KMT2C: variants seen among roughly 807,000 people sequenced by gnomAD.
KMT2C encodes the protein histone-lysine N-methyltransferase 2C.
KMT2C carries 88 observed loss-of-function variants against 507.9 expected under a neutral mutation model. The ratio of observed to expected loss-of-function variants is 0.17; its 90% CI spans 0.15 to 0.21. KMT2C has a LOEUF of 0.21. Ranked by LOEUF, KMT2C falls within the 10% of genes least tolerant of loss-of-function variation. KMT2C has a pLI of 1.00. For missense variants in KMT2C, 4,954 were observed against 5,957.8 expected (o/e 0.83, Z 5.55); for synonymous variants, 2,049 against 2,080.8 (o/e 0.98, Z 0.42).
chr7:152,164,106 T>C (rs2092604143), intron 42 of KMT2C, among the ~76,000 whole-genome samples: 1 of 152,184 alleles, frequency 6.6e-6, no homozygotes, highest in African/African-American at 2.4e-5. Context: ...ATTAAAATCT[T>C]ATGGTGAAAC....
chr7:152,308,673 C>CAAAAAAAAAAAAAAAAAAAAAAAAAAAAA (rs938826373), intron 6 of KMT2C, among the ~76,000 whole-genome samples: 1 of 24,558 alleles, frequency 4.1e-5, no homozygotes, highest in African/African-American at 1.5e-4. Flanking sequence ...AAACTCCTCT[C>CAAAAAAAAAAAAAAAAAAAAAAAAAAAAA]AAAAAAAAAA....
chr7:152,316,548 T>G (rs2096724671), intron 3 of KMT2C, among the ~76,000 whole-genome samples: 1 of 152,152 alleles, frequency 6.6e-6, no homozygotes, highest in African/African-American at 2.4e-5. Flanking sequence ...CACAAGATAT[T>G]TACTGCTGCT....
chr7:152,224,917 A>G (rs2094882140), intron 18 of KMT2C, among the ~76,000 whole-genome samples: 1 of 152,076 alleles, frequency 6.6e-6, no homozygotes, highest in South Asian at 2.1e-4. Flanking sequence ...ACCAGATTTT[A>G]AAGAAATCAA....
At chr7:152,381,827 G>A (rs2097376762) in intron 1 of KMT2C, among the ~76,000 whole-genome samples, 1 of 152,172 alleles carries the variant, frequency 6.6e-6, no homozygotes, top group African/African-American at 2.4e-5. Context: ...CCTTATAGCA[G>A]TTAATTACCA....
At chr7:152,252,127 C>A (rs370532389) in intron 10 of KMT2C, 37 bp from the exon 11 acceptor site, 3 of 1,482,518 alleles carry the variant, frequency 2.0e-6, no homozygotes, top group Non-Finnish European at 1.8e-6. Flanking sequence ...AAATTTCTAA[C>A]ATCGAGTTAT....
At chr7:152,259,446 GCACA>G (rs372982101) in intron 9 of KMT2C, among the ~76,000 whole-genome samples, 16,147 of 134,580 alleles carry the variant, frequency 0.12, 915 homozygotes, top group Middle Eastern at 0.17. Flanking sequence ...ACACACACGC[GCACA>G]CACACACACA....
At chr7:152,229,706 A>C (rs190462819) in intron 18 of KMT2C, among the ~76,000 whole-genome samples, 40 of 152,298 alleles carry the variant, frequency 2.6e-4, no homozygotes, top group African/African-American at 8.9e-4. Context: ...TTTATGTTTT[A>C]CTTTTTCAAG....
intron 2 of KMT2C, among the ~76,000 whole-genome samples, chr7:152,341,191 G>C (rs1433657773): frequency 6.6e-6 from 1 of 152,122 alleles, no homozygotes; most frequent in African/African-American, 2.4e-5. Context: ...CACCTGAATA[G>C]CAATAAATGA....
chr7:152,367,449 C>T, intron 1 of KMT2C: 1 of 743,404 alleles, frequency 1.3e-6, no homozygotes, highest in Non-Finnish European at 2.3e-6. Context: ...AACTCCTGAG[C>T]TCAAACAATC....
At chr7:152,426,075 T>C (rs1159829006) in intron 1 of KMT2C, among the ~76,000 whole-genome samples, 1 of 152,096 alleles carries the variant, frequency 6.6e-6, no homozygotes, top group East Asian at 1.9e-4. Flanking sequence ...GTTTTTCGTG[T>C]ATTGCTCATA....
At chr7:152,429,021 T>C (rs2097845732) in intron 1 of KMT2C, among the ~76,000 whole-genome samples, 1 of 152,104 alleles carries the variant, frequency 6.6e-6, no homozygotes, top group African/African-American at 2.4e-5. Flanking sequence ...ACCCCACCTT[T>C]TACACCTCCT....
chr7:152,270,303 G>C (rs1261980417), intron 7 of KMT2C, among the ~76,000 whole-genome samples: 5 of 152,148 alleles, frequency 3.3e-5, no homozygotes, highest in African/African-American at 1.2e-4. Context: ...GAAATACAAA[G>C]ATAACCAAAG....
chr7:152,329,646 A>AGGAGGGAGAAG (rs1202194143), intron 3 of KMT2C, among the ~76,000 whole-genome samples: 3 of 139,882 alleles, frequency 2.1e-5, no homozygotes, highest in African/African-American at 7.8e-5. Flanking sequence ...GAAGGGAGGA[A>AGGAGGGAGAAG]GGAGGGAGAA....
rs913577705 is a variant in KMT2C at position 152,149,918 on chromosome 7, GA to G, written c.12775-767del. Among the ~76,000 whole-genome samples, 7 of 149,158 alleles carry G rather than the reference GA, an allele frequency of 4.7e-5. No homozygotes were observed. The South Asian group carries it at 8.5e-4, about 18-fold the overall frequency. ...TGCACACCAACTTAAACTATCTGGT[GA>G]AAAAAAAAATCCTTCTTGCATTTAG... On this transcript the variant is annotated intron_variant, in intron 51 of 58. Coordinates refer to ENST00000262189, the MANE Select transcript of KMT2C (RefSeq NM_170606.3).
rs747850540 is a variant in KMT2C at position 152,148,177 on chromosome 7, G to A, written c.13750C>T (p.Arg4584Trp). The A allele has an allele frequency of 6.2e-7, 1 of 1,614,180 alleles. No homozygotes were observed. Among genetic ancestry groups the A allele is most frequent in the Non-Finnish European group, 8.5e-7 (1 of 1,179,998 alleles). ...ALFPVGYEAS[R>W]LYWSTRYANR... is the part of the protein sequence containing the mutation. ...GCATAGCGAGTGCTCCAGTACAGCCGGCTGGCTTCATAGCCCACAGGGAAG... is the reference window on the plus strand; with the variant it reads ...GCATAGCGAGTGCTCCAGTACAGCCAGCTGGCTTCATAGCCCACAGGGAAG... Residue 4584 changes from arginine to tryptophan, a missense_variant, in exon 52 of 59, where the codon CGG becomes TGG. By Grantham distance (101) the Arg-to-Trp change is moderately radical (BLOSUM62 -3). Around this residue, in one of 29 missense-constraint regions of KMT2C, gnomAD observed 221 missense variants for 304.7 expected, o/e 0.73. Transcript: ENST00000262189. The surrounding 1 kb of genome is among the most constrained non-coding windows in gnomAD (Gnocchi z 7.1).
At chr7:152,431,539 G>T (rs1407530414) in intron 1 of KMT2C, among the ~76,000 whole-genome samples, 1 of 151,230 alleles carries the variant, frequency 6.6e-6, no homozygotes, top group Non-Finnish European at 1.5e-5. Context: ...CTGGGAGGCG[G>T]AAGTTGCAGC....
chr7:152,152,575 TAA>T lies in KMT2C; in HGVS notation c.12526+128_12526+129del, dbSNP rs2091720258. The T allele has an allele frequency of 4.5e-6, 5 of 1,103,418 alleles. No individual in the cohort carries two copies. In the African/African-American group the frequency reaches 7.8e-5, roughly 17 times the overall value. The allele number at this position is 1,103,418 out of a possible 1,614,324, so 68.4% of individuals were successfully genotyped here. A position where few individuals can be genotyped will look rare whatever the true frequency, so the allele number is the denominator to read the frequency against. On this transcript the variant is annotated intron_variant, in intron 49 of 58. Coordinates refer to ENST00000262189, the MANE Select transcript of KMT2C (RefSeq NM_170606.3). ...CAGAAAACAGAACACCCACACATGG[TAA>T]GTTCACCAAGGACTATACGCCAGCA...
Position 152,148,342 on chromosome 7 carries a change from G to A in KMT2C, c.13585C>T (p.Arg4529Cys), listed in dbSNP as rs2091340833. Residue 4529 changes from arginine to cysteine, a missense_variant, in exon 52 of 59, where the codon CGT (arginine) becomes TGT (cysteine). By Grantham distance (180) the Arg-to-Cys change is radical. Coordinates refer to ENST00000262189, the MANE Select transcript of KMT2C (RefSeq NM_170606.3). The surrounding 1 kb of genome is among the most constrained non-coding windows in gnomAD (Gnocchi z 7.1). ...FAVFRRVYVQ[R>C]DEVRQIASIV... is the part of the protein sequence containing the mutation. ...CTAGCAATCTGTCGCACCTCATCAC[G>A]CTGAACATAGACCCTCCTGAAGACT... The A allele has an allele frequency of 1.9e-6, 3 of 1,614,248 alleles. No individual in the cohort carries two copies. The highest frequency in any genetic ancestry group is 1.3e-5 in the African/African-American group (1 of 75,064).
At chr7:152,330,510 C>T in intron 3 of KMT2C, 91 bp downstream of exon 3, 1 of 1,289,956 alleles carries the variant, frequency 7.8e-7, no homozygotes, top group Non-Finnish European at 1.1e-6. Context: ...GATTTTCATC[C>T]TAAACTCATA....
Sources: gnomAD v4.1 joint callset for allele counts (sites outside exome capture counted in the v4.1 genomes callset) on GRCh38, gnomAD v4.1.1 for gene constraint, gnomAD v4.1.1 regional missense constraint, Gnocchi (gnomAD v3.1) non-coding constraint, MANE v1.5 for transcripts, NCBI Gene and HGNC (gene_info 2026-07-23, HGNC 2026-07-21) for gene names.